NBEAL1: variants seen among roughly 807,000 people sequenced by gnomAD.
The protein encoded by NBEAL1 is neurobeachin like 1.
A neutral mutation model predicts 351.3 loss-of-function variants in NBEAL1; 273 were observed. The observed-to-expected ratio is 0.78, with a 90% CI of 0.70 to 0.86. The LOEUF (loss-of-function observed/expected upper bound fraction) is 0.86, where lower values mean the gene tolerates loss of function less well. Ranked by LOEUF, NBEAL1 falls within the 40% of genes least tolerant of loss-of-function variation. The pLI is 0.00. For missense variants in NBEAL1, 2,961 were observed against 3,201.3 expected, an observed-to-expected ratio of 0.92 and a Z score of 1.81; for synonymous variants, 1,050 against 1,086.4, an observed-to-expected ratio of 0.97 and a Z score of 0.66.
chr2:203,120,904 T>A (rs928753241), intron 18 of NBEAL1, among the ~76,000 whole-genome samples: 1 of 152,226 alleles, frequency 6.6e-6, no homozygotes, highest in African/African-American at 2.4e-5. Context: ...TTTGTTTGAT[T>A]AAAGCAATTT....
At chr2:203,195,324 G>A (rs1355624800) in intron 47 of NBEAL1, among the ~76,000 whole-genome samples, 1 of 152,054 alleles carries the variant, frequency 6.6e-6, no homozygotes, top group Non-Finnish European at 1.5e-5. Flanking sequence ...ATGCTTTCAC[G>A]TGTTTGTGAA....
chr2:203,040,676 A>G lies in NBEAL1; in HGVS notation c.52-1089A>G, dbSNP rs187567795. On this transcript the variant is annotated intron_variant, in intron 2 of 55. Transcript: ENST00000683969. ...GACATTTGCTTGGAAGACCTCATTC[A>G]TGAAATTGCCTTCCCAGGGAAGTAT... 6.9e-5 allele frequency: 44 copies of G among 637,266 alleles called. No individual in the cohort carries two copies. In the East Asian group the frequency reaches 1.6e-3, roughly 23 times the overall value. 39.5% of individuals were successfully genotyped at this position (637,266 alleles called of 1,614,324 possible).
Position 203,141,333 on chromosome 2 carries a change from A to G in NBEAL1, c.4848+2585A>G, listed in dbSNP as rs147720481. ...ATAAGTACAAGCACAGCACCTACAGATAAGACAGATTATTATTATTATTAT... is the reference window on the plus strand; with the variant it reads ...ATAAGTACAAGCACAGCACCTACAGGTAAGACAGATTATTATTATTATTAT... On this transcript the variant is annotated intron_variant, in intron 31 of 55. Transcript: ENST00000683969. 3.7e-4 allele frequency among the ~76,000 whole-genome samples: 44 copies of G among 119,830 alleles called. No individual in the cohort carries two copies. The East Asian group carries it at 9.3e-3, about 25-fold the overall frequency. The allele number at this position is 119,830 out of a possible 152,430, so 78.6% of individuals were successfully genotyped here.
intron 6 of NBEAL1, among the ~76,000 whole-genome samples, chr2:203,065,537 G>A (rs948657536): frequency 1.3e-5 from 2 of 152,150 alleles, no homozygotes; most frequent in African/African-American, 4.8e-5. Flanking sequence ...TGGATCACAA[G>A]GTCAGGAGAT....
chr2:203,065,767 A>AG (rs1269885592), intron 6 of NBEAL1, among the ~76,000 whole-genome samples: 1 of 152,136 alleles, frequency 6.6e-6, no homozygotes, highest in East Asian at 1.9e-4. Context: ...AAAAAAAAGA[A>AG]GCCTGGTTAA....
chr2:203,154,137 G>A (rs193173910), intron 35 of NBEAL1, among the ~76,000 whole-genome samples: 179 of 151,874 alleles, frequency 1.2e-3, no homozygotes, highest in African/African-American at 4.2e-3. Flanking sequence ...TTGGGAGGCT[G>A]AGGCAGGAGA....
In NBEAL1 at chr2:203,136,792, G is replaced by C; in HGVS notation, c.4565+18G>C. On this transcript the variant is annotated intron_variant, in intron 29 of 55. Coordinates refer to ENST00000683969, the MANE Select transcript of NBEAL1 (RefSeq NM_001378026.1). ...AAACTAACGTAAGCATTTAGTTAGTGATTTTCCATCCTCCTTTTGGTGACA... is the reference window on the plus strand; with the variant it reads ...AAACTAACGTAAGCATTTAGTTAGTCATTTTCCATCCTCCTTTTGGTGACA... The C allele has an allele frequency of 6.2e-7, 1 of 1,602,676 alleles. No individual in the cohort carries two copies. The highest frequency in any genetic ancestry group is 8.5e-7 in the Non-Finnish European group (1 of 1,172,086).
chr2:203,084,023 T>C (rs2061921269), intron 9 of NBEAL1, among the ~76,000 whole-genome samples: 1 of 150,632 alleles, frequency 6.6e-6, no homozygotes, highest in Admixed American at 6.6e-5. Context: ...TGTGTGTGTT[T>C]CTCTTCCCTT....
At chr2:203,186,169 C>A (rs2064892193) in intron 44 of NBEAL1, among the ~76,000 whole-genome samples, 1 of 152,216 alleles carries the variant, frequency 6.6e-6, no homozygotes, top group Non-Finnish European at 1.5e-5. Flanking sequence ...TGGCTGTGTT[C>A]TACTACTACT....
chr2:203,182,268 G>A (rs1437889323), intron 43 of NBEAL1: 1 of 152,124 alleles, frequency 6.6e-6, no homozygotes, highest in African/African-American at 2.4e-5. Flanking sequence ...TGAGTATTTT[G>A]GCTTTGGCTA....
chr2:203,137,047 A>G (rs1476409043), intron 29 of NBEAL1, among the ~76,000 whole-genome samples: 1 of 152,212 alleles, frequency 6.6e-6, no homozygotes, highest in Non-Finnish European at 1.5e-5. Context: ...TTCTTGCAGT[A>G]TTTGAGGACT....
intron 40 of NBEAL1, among the ~76,000 whole-genome samples, chr2:203,172,389 T>C (rs1368130916): frequency 1.3e-5 from 2 of 151,872 alleles, no homozygotes; most frequent in East Asian, 3.9e-4. Context: ...GGCGTGGTGG[T>C]GCACACCTGT....
rs1002902320 is a variant in NBEAL1, at chr2:203,193,978, A to T, written c.7038+67A>T. The T allele has an allele frequency of 5.9e-6, 5 of 845,476 alleles. No homozygotes were observed. The South Asian group carries it at 6.7e-5, about 11-fold the overall frequency. The allele number at this position is 845,476 out of a possible 1,614,324, so 52.4% of individuals were successfully genotyped here. On this transcript the variant is annotated intron_variant, in intron 47 of 55. Transcript: ENST00000683969. Reference sequence around the variant, plus strand: ...ATTCTGTACATTTTAAAGTTCTTTTATTATTTAATGGGAAGTAAGGATTAT... The same window carrying T: ...ATTCTGTACATTTTAAAGTTCTTTTTTTATTTAATGGGAAGTAAGGATTAT...
At chr2:203,131,500 G>A (rs2063071715) in intron 25 of NBEAL1, among the ~76,000 whole-genome samples, 1 of 152,230 alleles carries the variant, frequency 6.6e-6, no homozygotes, top group Non-Finnish European at 1.5e-5. Context: ...ACAGGCATGA[G>A]CCACTGTGCC....
In NBEAL1 at chr2:203,213,600, G is replaced by C; in HGVS notation, c.8017G>C (p.Val2673Leu). ...CVTKEYSHILVGLEDGKLIVV... is the reference protein window; with the variant it reads ...CVTKEYSHILLGLEDGKLIVV... ...CACCAAAGAATACAGCCATATTCTT[G>C]TAGGTTTAGAAGATGGCAAATTGAT... The change falls in exon 55 of 56, where the codon GTA becomes CTA. Residue 2673 changes from valine (V) to leucine (L), a missense_variant. By Grantham distance (32) the Val-to-Leu change is conservative. Transcript: ENST00000683969. 6.2e-7 allele frequency: 1 copy of C among 1,613,890 alleles called. No individual in the cohort carries two copies. Among genetic ancestry groups the C allele is most frequent in the Non-Finnish European group, 8.5e-7 (1 of 1,179,806 alleles).
At chr2:203,200,067 T>C (rs1399555982) in intron 49 of NBEAL1, among the ~76,000 whole-genome samples, 2 of 152,224 alleles carry the variant, frequency 1.3e-5, no homozygotes, top group African/African-American at 4.8e-5. Context: ...TTTGTTTGCT[T>C]ATATTTTTTT....
chr2:203,034,953 A>G lies in NBEAL1; in HGVS notation c.52-6812A>G, dbSNP rs962072246. On this transcript the variant is annotated intron_variant, in intron 2 of 55. Transcript: ENST00000683969. ...TTCATATTTAAGTTAGGAACTGCCC[A>G]TCATATGATTGAAATATTTATATGC... is the stretch of plus-strand genomic sequence containing the variant. Among the ~76,000 whole-genome samples the G allele has an allele frequency of 6.7e-5, 10 of 149,444 alleles. 1 individual carries two copies. Among genetic ancestry groups the G allele is most frequent in the Non-Finnish European group, 1.5e-4 (10 of 66,646 alleles).
At chr2:203,093,797 A>G (rs1415221356) in intron 10 of NBEAL1, among the ~76,000 whole-genome samples, 1 of 152,104 alleles carries the variant, frequency 6.6e-6, no homozygotes, top group African/African-American at 2.4e-5. Flanking sequence ...GCAGTGAGCC[A>G]TCACACCACT....
At chr2:203,098,424 A>G (rs534911516) in intron 11 of NBEAL1, among the ~76,000 whole-genome samples, 2 of 152,304 alleles carry the variant, frequency 1.3e-5, no homozygotes, top group South Asian at 4.1e-4. Flanking sequence ...AGATTTCTGT[A>G]TAAATGTTAA....
Sources: gnomAD v4.1 joint callset for allele counts (sites outside exome capture counted in the v4.1 genomes callset) on GRCh38, gnomAD v4.1.1 for gene constraint, MANE v1.5 for transcripts, NCBI Gene and HGNC (gene_info 2026-07-23, HGNC 2026-07-21) for gene names.